The following ACE variants were observed in gnomAD, a reference collection of about 807,000 sequenced individuals.
ACE encodes the protein angiotensin I converting enzyme, also known as angiotensin-converting enzyme.
Under a neutral mutation model 162.3 loss-of-function variants are expected in ACE, and 122 were observed. The observed-to-expected ratio is 0.75, with a 90% CI of 0.65 to 0.87. The LOEUF is 0.87. ACE is among the 40% of genes least tolerant of loss of function. The pLI is 0.00. For missense variants in ACE, 1,799 were observed against 1,735.1 expected (o/e 1.04, Z -0.65); for synonymous variants, 796 against 720.6 (o/e 1.10, Z -1.68).
At chr17:63,494,174 A>C in intron 21 of ACE, 108 bp downstream of exon 21, 2 of 1,445,620 alleles carry the variant, frequency 1.4e-6, no homozygotes, top group Non-Finnish European at 1.9e-6. Context: ...GTGTGTGTAC[A>C]CTATTGTGTC....
chr17:63,495,600 C>G (rs2030677442), intron 22 of ACE, among the ~76,000 whole-genome samples: 1 of 152,222 alleles, frequency 6.6e-6, no homozygotes, highest in Admixed American at 6.5e-5. Context: ...AGAGATGACA[C>G]TTAGGACAGG....
chr17:63,479,115 G>A lies in ACE; in HGVS notation c.511+15G>A. On this transcript the variant is annotated intron_variant, in intron 3 of 24. Coordinates refer to ENST00000290866, the MANE Select transcript of ACE (RefSeq NM_000789.4). The stretch of plus-strand genomic sequence containing the variant: ...CCTGGACCCAGGTACGGCCCTTGCA[G>A]CTCCCCTCTCGGCGGTGCCCTAGTG... The A allele has an allele frequency of 6.2e-7, 1 of 1,600,814 alleles. No homozygotes were observed. The highest frequency in any genetic ancestry group is 8.5e-7 in the Non-Finnish European group (1 of 1,171,868).
In ACE at chr17:63,484,872, G is replaced by C. The variant is rs2029865330; in HGVS notation, c.1921+331G>C. On this transcript the variant is annotated intron_variant, in intron 12 of 24. Coordinates refer to ENST00000290866, the MANE Select transcript of ACE (RefSeq NM_000789.4). The surrounding 1 kb of genome is among the most constrained non-coding windows in gnomAD (Gnocchi z 4.0). ...GGACTCTGCTCTCCTGCGGCCATGG[G>C]CCAGGGTTGGGCTACTGCAGGACTT... The C allele has an allele frequency of 6.3e-7, 1 of 1,583,038 alleles. No homozygotes were observed.
chr17:63,494,206 G>A, intron 21 of ACE, 140 bp downstream of exon 21: 3 of 1,341,320 alleles, frequency 2.2e-6, no homozygotes, highest in South Asian at 1.2e-5. Flanking sequence ...TGTGTGTGGT[G>A]TAAGTGATGG....
chr17:63,493,911 T>G lies in ACE; in HGVS notation c.3137-11T>G. On this transcript the variant is annotated splice_polypyrimidine_tract_variant and intron_variant, in intron 20 of 24. Transcript: ENST00000290866. ...CCCTGGGTCTGACAGCTGGGCTCCC[T>G]TCCCTTGCAGAGCATGACATCAACT... is the stretch of plus-strand genomic sequence containing the variant. 1 of 1,614,114 alleles carries G rather than the reference T, an allele frequency of 6.2e-7. No homozygotes were observed. Among genetic ancestry groups the G allele is most frequent in the Non-Finnish European group, 8.5e-7 (1 of 1,179,986 alleles).
Position 63,494,355 on chromosome 17 carries a change from A to G in ACE, c.3282-17A>G. On this transcript the variant is annotated splice_polypyrimidine_tract_variant and intron_variant, in intron 21 of 24. Coordinates refer to ENST00000290866, the MANE Select transcript of ACE (RefSeq NM_000789.4). ...TCTCCCCAAACTCATCTTCCAACAT[A>G]TATTCCCACTCGACAGGCTGAAGTA... 2 of 1,611,676 alleles carry G rather than the reference A, an allele frequency of 1.2e-6. No homozygotes were observed. Among genetic ancestry groups the G allele is most frequent in the Middle Eastern group, 1.7e-4 (1 of 6,054 alleles).
intron 2 of ACE, 140 bp downstream of exon 2, chr17:63,478,238 C>A: frequency 9.1e-7 from 1 of 1,092,972 alleles, no homozygotes; most frequent in Non-Finnish European, 1.3e-6. Flanking sequence ...CAGGTAAGCA[C>A]AGAATGGCTT....
At position 63,484,492 on chromosome 17, in the gene ACE, C is replaced by G; in HGVS notation, c.1872C>G (p.Pro624=). ...NQQNGEVLGW[P]EYQWHPPLPD... is the part of the protein sequence containing the mutation. ...AGAACGGCGAGGTCCTGGGCTGGCC[C>G]GAGTACCAGTGGCACCCGCCGTTGC... is the stretch of plus-strand genomic sequence containing the variant. The change falls in exon 12 of 25, where the codon CCC becomes CCG. Residue 624 remains proline (P), a synonymous_variant. Transcript: ENST00000290866. The surrounding 1 kb of genome is among the most constrained non-coding windows in gnomAD (Gnocchi z 4.0). 1 of 1,608,746 alleles carries G rather than the reference C, an allele frequency of 6.2e-7. No homozygotes were observed. The highest frequency in any genetic ancestry group is 8.5e-7 in the Non-Finnish European group (1 of 1,178,876).
rs1278761839 is a variant in ACE at position 63,478,002 on chromosome 17, G to A, written c.321G>A (p.Pro107=). The A allele has an allele frequency of 6.2e-7, 1 of 1,611,846 alleles. No individual in the cohort carries two copies. Among genetic ancestry groups the A allele is most frequent in the Non-Finnish European group, 8.5e-7 (1 of 1,179,290 alleles). The change falls in exon 2 of 25, where the codon CCG becomes CCA. Residue 107 remains proline (P), a synonymous_variant. Transcript: ENST00000290866. ...AGAAGGCCAAGGAGCTGTATGAACC[G>A]ATCTGGCAGAACTTCACGGACCCGC... is the stretch of plus-strand genomic sequence containing the variant. ...WGQKAKELYE[P]IWQNFTDPQL...
chr17:63,493,859 A>G, intron 20 of ACE, 63 bp from the exon 21 acceptor site: 1 of 1,611,972 alleles, frequency 6.2e-7, no homozygotes, highest in Non-Finnish European at 8.5e-7. Context: ...CCACCATCAC[A>G]GGCACACCAG....
rs911169578 is a variant in ACE, at chr17:63,484,246, G to T, written c.1710-84G>T. 6.9e-7 allele frequency: 1 copy of T among 1,457,946 alleles called. No individual in the cohort carries two copies. The highest frequency in any genetic ancestry group is 9.3e-7 in the Non-Finnish European group (1 of 1,073,564). 90.3% of individuals were successfully genotyped at this position (1,457,946 alleles called of 1,614,324 possible). A position where few individuals can be genotyped will look rare whatever the true frequency, so the allele number is the denominator to read the frequency against. ...TTCTGCAGTCCATTGGGGGGCGGAAGTGGCCAGGGGCATGTGGGCCGGGGT... is the reference window on the plus strand; with the variant it reads ...TTCTGCAGTCCATTGGGGGGCGGAATTGGCCAGGGGCATGTGGGCCGGGGT... On this transcript the variant is annotated intron_variant, in intron 11 of 24. Transcript: ENST00000290866. This position sits in a 1 kb window ranked among gnomAD's most constrained non-coding sequence, Gnocchi z 4.0.
Position 63,479,759 on chromosome 17 carries a change from T to C in ACE, c.512-10T>C. 3.7e-6 allele frequency: 6 copies of C among 1,613,134 alleles called. No individual in the cohort carries two copies. Among genetic ancestry groups the C allele is most frequent in the Non-Finnish European group, 5.1e-6 (6 of 1,180,024 alleles). Reference sequence around the variant, plus strand: ...GGCCTCCTCACCGACCCTGCCTGCCTGTGTCTCAGATCTCACCAACATCCT... The same window carrying C: ...GGCCTCCTCACCGACCCTGCCTGCCCGTGTCTCAGATCTCACCAACATCCT... On this transcript the variant is annotated splice_polypyrimidine_tract_variant and intron_variant, in intron 3 of 24. Transcript: ENST00000290866.
intron 15 of ACE, among the ~76,000 whole-genome samples, chr17:63,487,475 T>G (rs2030037872): frequency 6.6e-6 from 1 of 152,074 alleles, no homozygotes; most frequent in Non-Finnish European, 1.5e-5. Context: ...TCTCTGTCTT[T>G]CCTGAGCCCC....
rs28730839 is a variant in ACE, at chr17:63,483,140, C to A, written c.1454C>A (p.Pro485His). ...GGGGTCTTTAGTGGGCGTACCCCCC[C>A]TTCCCGCTACAACTTCGACTGGTGG... ...RWGVFSGRTP[P>H]SRYNFDWWYL... The change falls in exon 9 of 25, where the codon CCT becomes CAT. Residue 485 changes from proline to histidine, a missense_variant. By Grantham distance (77) the Pro-to-His change is moderately conservative. Transcript: ENST00000290866. 2 of 1,614,088 alleles carry A rather than the reference C, an allele frequency of 1.2e-6. No individual in the cohort carries two copies. The highest frequency in any genetic ancestry group is 2.2e-5 in the South Asian group (2 of 91,082).
intron 1 of ACE, 191 bp from the exon 2 acceptor site, chr17:63,477,740 C>G: frequency 1.5e-6 from 1 of 672,886 alleles, no homozygotes; most frequent in East Asian, 2.8e-5. Context: ...CCACCATTCC[C>G]ATGAGGCAGA....
At chr17:63,479,419 A>G (rs1015165971) in intron 3 of ACE, among the ~76,000 whole-genome samples, 1 of 151,402 alleles carries the variant, frequency 6.6e-6, no homozygotes, top group African/African-American at 2.4e-5. Context: ...CAGGCCAGGG[A>G]CCCCTCGTGG....
chr17:63,494,348 C>G (rs1211320318), intron 21 of ACE, 24 bp from the exon 22 acceptor site: 5 of 1,608,678 alleles, frequency 3.1e-6, no homozygotes, highest in African/African-American at 1.3e-5. Flanking sequence ...AACTCATCTT[C>G]CAACATATAT....
rs1382985362 is a variant in ACE at position 63,498,237 on chromosome 17, ACACCT to A, written c.*873_*877del. On this transcript the variant is annotated 3_prime_UTR_variant, in exon 25 of 25. Coordinates refer to ENST00000290866, the MANE Select transcript of ACE (RefSeq NM_000789.4). ...AGCCACCCTGCTGGCGTCCCAGCAC[ACACCT>A]CCTCACTCCCTGCATTGGAGGGAGT... The A allele has an allele frequency of 6.6e-6, 1 of 152,262 alleles. No homozygotes were observed. The highest frequency in any genetic ancestry group is 2.4e-5 in the African/African-American group (1 of 41,464). The allele number at this position is 152,262 out of a possible 1,614,324, so 9.4% of individuals were successfully genotyped here. A position where few individuals can be genotyped will look rare whatever the true frequency, so the allele number is the denominator to read the frequency against.
chr17:63,480,347 C>CA lies in ACE; in HGVS notation c.667dup (p.Thr223AsnfsTer169). 6.2e-7 allele frequency: 1 copy of CA among 1,613,948 alleles called. No homozygotes were observed. The highest frequency in any genetic ancestry group is 2.2e-5 in the East Asian group (1 of 44,880). On this transcript the variant is annotated frameshift_variant, in exon 5 of 25. Transcript: ENST00000290866. LOFTEE classifies it high-confidence loss of function. ...CCCCCACGCCCCCAGGCTTCACAGA[C>CA]ACGGGGGCCTACTGGCGCTCCTGGT...
Sources: gnomAD v4.1 joint callset for allele counts (sites outside exome capture counted in the v4.1 genomes callset) on GRCh38, gnomAD v4.1.1 for gene constraint, Gnocchi (gnomAD v3.1) non-coding constraint, MANE v1.5 for transcripts, NCBI Gene and HGNC (gene_info 2026-07-23, HGNC 2026-07-21) for gene names.